PDE4D: variants seen among roughly 807,000 people sequenced by gnomAD.
The protein encoded by PDE4D is phosphodiesterase 4D, also known as 3',5'-cyclic-AMP phosphodiesterase 4D.
A neutral mutation model predicts 87.4 loss-of-function variants in PDE4D; 24 were observed. The ratio of observed to expected loss-of-function variants is 0.27; its 90% confidence interval spans 0.20 to 0.39. The LOEUF (loss-of-function observed/expected upper bound fraction) is 0.39. Ranked by LOEUF, PDE4D falls within the 10% of genes least tolerant of loss-of-function variation. PDE4D has a pLI of 1.00. For missense variants in PDE4D, 714 were observed against 1,041.0 expected, an observed-to-expected ratio of 0.69 and a Z score of 4.32; for synonymous variants, 384 against 383.2, an observed-to-expected ratio of 1.00 and a Z score of -0.02.
chr5:59,039,134 G>C (rs1256198687), intron 5 of PDE4D, 163 bp from the exon 6 acceptor site: 4 of 1,362,012 alleles, frequency 2.9e-6, no homozygotes, highest in Non-Finnish European at 2.8e-6. Flanking sequence ...GTGCAACGGG[G>C]GCGGAGGCTG....
At chr5:59,088,601 C>T (rs1054405064) in intron 5 of PDE4D, among the ~76,000 whole-genome samples, 3 of 152,080 alleles carry the variant, frequency 2.0e-5, no homozygotes, top group Non-Finnish European at 4.4e-5. Flanking sequence ...ACATAAACAC[C>T]ATGGAATACT....
chr5:59,328,544 T>A (rs1044440262), intron 1 of PDE4D, among the ~76,000 whole-genome samples: 2 of 152,130 alleles, frequency 1.3e-5, no homozygotes, highest in African/African-American at 2.4e-5. Flanking sequence ...GAAAAGCAAC[T>A]TCAGTACACA....
chr5:59,877,053 C>T (rs1299546167), intron 1 of PDE4D, among the ~76,000 whole-genome samples: 2 of 152,010 alleles, frequency 1.3e-5, no homozygotes, highest in South Asian at 2.1e-4. Flanking sequence ...TTTGCTTATA[C>T]CATATTTACA....
At chr5:60,054,482 G>T (rs557250267) in intron 2 of PDE4D, among the ~76,000 whole-genome samples, 2 of 152,098 alleles carry the variant, frequency 1.3e-5, no homozygotes. Flanking sequence ...TTTGAACAAT[G>T]AGAACACATG....
chr5:59,621,503 G>C (rs1421160476), intron 1 of PDE4D, among the ~76,000 whole-genome samples: 1 of 152,188 alleles, frequency 6.6e-6, no homozygotes, highest in African/African-American at 2.4e-5. Context: ...GCCCCTAAAT[G>C]ATGCTTCAGC....
At chr5:59,714,613 G>A (rs1754720938) in intron 1 of PDE4D, among the ~76,000 whole-genome samples, 1 of 152,228 alleles carries the variant, frequency 6.6e-6, no homozygotes, top group African/African-American at 2.4e-5. Flanking sequence ...AATTTGGACA[G>A]TGCCACTATG....
intron 1 of PDE4D, among the ~76,000 whole-genome samples, chr5:59,258,213 T>C (rs1761337317): frequency 6.6e-6 from 1 of 151,952 alleles, no homozygotes; most frequent in Admixed American, 6.6e-5. Flanking sequence ...TCAACTTCCC[T>C]GACCACTCCA....
intron 3 of PDE4D, among the ~76,000 whole-genome samples, chr5:59,952,206 A>G (rs966419257): frequency 2.0e-5 from 3 of 151,944 alleles, no homozygotes; most frequent in African/African-American, 7.3e-5. Flanking sequence ...CCCTTCCTCC[A>G]TGATTGTAAG....
intron 1 of PDE4D, among the ~76,000 whole-genome samples, chr5:59,419,344 T>C (rs1794122704): frequency 6.6e-6 from 1 of 152,232 alleles, no homozygotes. Flanking sequence ...AGTTTTGCAT[T>C]CCTAGCTGAA....
At chr5:59,966,801 T>C (rs1199035784) in intron 3 of PDE4D, among the ~76,000 whole-genome samples, 1 of 152,204 alleles carries the variant, frequency 6.6e-6, no homozygotes, top group Non-Finnish European at 1.5e-5. Context: ...TGACAATACA[T>C]ATTATTTTGA....
chr5:60,240,851 T>G lies in PDE4D; in HGVS notation c.-89-55164A>C, dbSNP rs113232398. 4.8e-4 allele frequency among the ~76,000 whole-genome samples: 73 copies of G among 152,264 alleles called. 2 individuals carry two copies. The highest frequency in any genetic ancestry group is 1.7e-3 in the African/African-American group (70 of 41,566). On this transcript the variant is annotated intron_variant, in intron 1 of 16. Transcript: ENST00000502484. ...GTGGTACCCCCGATGCAGATATGGC[T>G]TAGATCATAATACCCAAGTACTTTT...
intron 5 of PDE4D, among the ~76,000 whole-genome samples, chr5:59,139,828 T>C (rs1472903077): frequency 6.6e-6 from 1 of 152,034 alleles, no homozygotes; most frequent in Non-Finnish European, 1.5e-5. Flanking sequence ...ACTAAAAAAC[T>C]GTCGTGTGGA....
Position 59,997,944 on chromosome 5 carries a change from G to A in PDE4D, c.43-9227C>T, listed in dbSNP as rs544658237. ...TAGTGACACTATCAACTGTACAGAG[G>A]TTAGTTTGCCTGGAATGAGAACAGC... On this transcript the variant is annotated intron_variant, in intron 2 of 16. Transcript: ENST00000502484. Among the ~76,000 whole-genome samples the A allele has an allele frequency of 3.9e-5, 6 of 152,300 alleles. No individual in the cohort carries two copies. The South Asian group carries it at 1.2e-3, about 32-fold the overall frequency.
chr5:59,069,433 C>T (rs908781977), intron 5 of PDE4D, among the ~76,000 whole-genome samples: 1 of 152,112 alleles, frequency 6.6e-6, no homozygotes, highest in Non-Finnish European at 1.5e-5. Flanking sequence ...GTACCAGCGT[C>T]CTAACATTTT....
intron 5 of PDE4D, among the ~76,000 whole-genome samples, chr5:59,093,927 G>A (rs955215023): frequency 6.6e-6 from 1 of 151,982 alleles, no homozygotes; most frequent in African/African-American, 2.4e-5. Context: ...CCATTAAAAA[G>A]GAGAGGATGA....
intron 1 of PDE4D, among the ~76,000 whole-genome samples, chr5:60,504,930 C>A (rs915489903): frequency 6.6e-6 from 1 of 152,124 alleles, no homozygotes; most frequent in African/African-American, 2.4e-5. Flanking sequence ...GCATAAAATG[C>A]CTCATCTGTC....
intron 3 of PDE4D, among the ~76,000 whole-genome samples, chr5:59,976,513 C>A (rs1186621449): frequency 6.6e-6 from 1 of 152,174 alleles, no homozygotes; most frequent in African/African-American, 2.4e-5. Context: ...CCTTCACCTT[C>A]TGCCATGAAT....
chr5:59,685,257 A>T (rs1466016498), intron 1 of PDE4D, among the ~76,000 whole-genome samples: 1 of 152,184 alleles, frequency 6.6e-6, no homozygotes, highest in Non-Finnish European at 1.5e-5. Context: ...GAACTATTTC[A>T]TAGTTTAATC....
chr5:59,895,019 T>C (rs73761037), upstream of PDE4D, among the ~76,000 whole-genome samples: 997 of 152,336 alleles, frequency 6.5e-3, 4 homozygotes, highest in African/African-American at 0.023. Flanking sequence ...TGAACGATAA[T>C]ATATTTAGGA....
Sources: gnomAD v4.1 joint callset for allele counts (sites outside exome capture counted in the v4.1 genomes callset) on GRCh38, gnomAD v4.1.1 for gene constraint, MANE v1.5 for transcripts, NCBI Gene and HGNC (gene_info 2026-07-23, HGNC 2026-07-21) for gene names.